The following CWC27 variants were observed in gnomAD, a reference collection of about 807,000 sequenced individuals.
CWC27 encodes the protein CWC27 spliceosome associated cyclophilin, also known as spliceosome-associated protein CWC27 homolog.
In CWC27, 47 loss-of-function variants were observed where a neutral mutation model predicts 63.6. The ratio of observed to expected loss-of-function variants is 0.74; its 90% CI spans 0.58 to 0.94. The LOEUF (loss-of-function observed/expected upper bound fraction) is 0.94. CWC27 is among the 40% of genes least tolerant of loss of function. CWC27 has a pLI of 0.00. For synonymous variants in CWC27, 175 were observed against 179.8 expected (o/e 0.97, Z 0.22); for missense variants, 495 against 554.3 (o/e 0.89, Z 1.07).
chr5:64,874,872 T>C (rs1462900912), intron 10 of CWC27, among the ~76,000 whole-genome samples: 1 of 151,800 alleles, frequency 6.6e-6, no homozygotes, highest in Non-Finnish European at 1.5e-5. Context: ...TATACTGCCT[T>C]ACTAGAAATG....
chr5:64,804,749 A>G (rs1458624947), intron 10 of CWC27: 1 of 160,038 alleles, frequency 6.2e-6, no homozygotes, highest in Non-Finnish European at 1.4e-5. Flanking sequence ...GACATCCTCA[A>G]ATAATTTCGG....
At chr5:64,924,423 A>G (rs1051512728) in intron 11 of CWC27, among the ~76,000 whole-genome samples, 3 of 152,218 alleles carry the variant, frequency 2.0e-5, no homozygotes, top group Non-Finnish European at 4.4e-5. Context: ...CAAAGAGTAG[A>G]AATATAAAAT....
chr5:64,792,069 G>A (rs1744100846), intron 7 of CWC27, among the ~76,000 whole-genome samples: 1 of 151,898 alleles, frequency 6.6e-6, no homozygotes, highest in South Asian at 2.1e-4. Flanking sequence ...AGCTTAAAAT[G>A]TTATTTTTAC....
intron 10 of CWC27, among the ~76,000 whole-genome samples, chr5:64,835,311 G>T (rs1745632351): frequency 6.6e-6 from 1 of 151,776 alleles, no homozygotes; most frequent in Admixed American, 6.6e-5. Context: ...TAAAGTAAAA[G>T]TCCAAATCAC....
chr5:64,957,474 G>C (rs1039783974), intron 11 of CWC27, among the ~76,000 whole-genome samples: 1 of 152,190 alleles, frequency 6.6e-6, no homozygotes, highest in East Asian at 1.9e-4. Flanking sequence ...CTGTGTGCTA[G>C]TCCAGAGGTT....
At position 64,886,071 on chromosome 5, in the gene CWC27, T is replaced by C. The variant is rs116151704; in HGVS notation, c.1042+525T>C. ...TACCTAATTTTGTTTTTTGTTTGTTTTTTGTTTTTACTCTTATGTTAAGAC... is the reference window on the plus strand; with the variant it reads ...TACCTAATTTTGTTTTTTGTTTGTTCTTTGTTTTTACTCTTATGTTAAGAC... On this transcript the variant is annotated intron_variant, in intron 11 of 13. Coordinates refer to ENST00000381070, the MANE Select transcript of CWC27 (RefSeq NM_005869.4). 8.9e-3 allele frequency among the ~76,000 whole-genome samples: 1,358 copies of C among 152,260 alleles called. 19 individuals carry two copies. The highest frequency in any genetic ancestry group is 0.031 in the Middle Eastern group (9 of 294).
intron 10 of CWC27, among the ~76,000 whole-genome samples, chr5:64,822,972 A>G (rs964784778): frequency 6.6e-6 from 1 of 152,226 alleles, no homozygotes; most frequent in African/African-American, 2.4e-5. Context: ...ACTAGGCTAG[A>G]ATTTATTTGA....
At chr5:64,856,378 C>A in intron 10 of CWC27, among the ~76,000 whole-genome samples, 1 of 151,686 alleles carries the variant, frequency 6.6e-6, no homozygotes, top group Admixed American at 6.6e-5. Context: ...TTATTAAATT[C>A]CCTGAAAACA....
rs532621815 is a variant in CWC27 at position 64,834,638 on chromosome 5, T to G, written c.938+30252T>G. On this transcript the variant is annotated intron_variant, in intron 10 of 13. Transcript: ENST00000381070. ...TATCTTAACTGTATTTTTACTGATA[T>G]CTGCCCTTCCTTGTCTTTCTGCTGT... Among the ~76,000 whole-genome samples, 15 of 151,894 alleles carry G rather than the reference T, an allele frequency of 9.9e-5. No homozygotes were observed. In the South Asian group the frequency reaches 2.9e-3, roughly 29 times the overall value.
chr5:64,892,842 T>C (rs7700722), intron 11 of CWC27, among the ~76,000 whole-genome samples: 62,274 of 151,654 alleles, frequency 0.41, 14,287 homozygotes, highest in African/African-American at 0.61. Flanking sequence ...TGAGAATTCT[T>C]TATCTCTCGT....
chr5:64,774,702 A>G lies in CWC27; in HGVS notation c.54A>G (p.Lys18=). ...TATTCTTTCTACAGGTTTTATTGAAAACTACAGCTGGAGATATTGACATAG... is the reference window on the plus strand; with the variant it reads ...TATTCTTTCTACAGGTTTTATTGAAGACTACAGCTGGAGATATTGACATAG... The part of the protein sequence containing the change: ...EPPTNGKVLL[K]TTAGDIDIEL... Residue 18 remains lysine, a synonymous_variant, in exon 2 of 14, where the codon AAA becomes AAG. Transcript: ENST00000381070. 1 of 1,565,202 alleles carries G rather than the reference A, an allele frequency of 6.4e-7. No individual in the cohort carries two copies. Among genetic ancestry groups the G allele is most frequent in the Admixed American group, 2.0e-5 (1 of 50,780 alleles).
chr5:64,804,084 G>C (rs541405469), intron 9 of CWC27, 145 bp from the exon 10 acceptor site: 5 of 706,136 alleles, frequency 7.1e-6, no homozygotes, highest in African/African-American at 1.8e-5. Context: ...TTCTTCAAGG[G>C]CTTATAATTC....
intron 10 of CWC27, among the ~76,000 whole-genome samples, 174 bp from the exon 11 acceptor site, chr5:64,885,269 A>G (rs1747040519): frequency 6.6e-6 from 1 of 152,150 alleles, no homozygotes; most frequent in South Asian, 2.1e-4. Context: ...TAGAACTCTT[A>G]AAATCCTTTA....
chr5:64,999,954 A>G lies in CWC27; in HGVS notation c.1257-18205A>G, dbSNP rs541846346. Among the ~76,000 whole-genome samples the G allele has an allele frequency of 2.6e-5, 4 of 152,176 alleles. No homozygotes were observed. The South Asian group carries it at 6.2e-4, about 24-fold the overall frequency. On this transcript the variant is annotated intron_variant, in intron 13 of 13. Coordinates refer to ENST00000381070, the MANE Select transcript of CWC27 (RefSeq NM_005869.4). ...GCTATACTAATTTACGTTCACACCA[A>G]CAGTGTATAAGAGTTACCTTTCTCT... is the stretch of plus-strand genomic sequence containing the variant.
chr5:64,869,976 T>TG (rs1746626567), intron 10 of CWC27, among the ~76,000 whole-genome samples: 2 of 151,898 alleles, frequency 1.3e-5, no homozygotes, highest in African/African-American at 4.8e-5. Context: ...GCTCTTAGGA[T>TG]GGGGAAAAAA....
intron 11 of CWC27, among the ~76,000 whole-genome samples, chr5:64,952,223 GA>G (rs1412428848): frequency 6.6e-6 from 1 of 151,848 alleles, no homozygotes; most frequent in Non-Finnish European, 1.5e-5. Flanking sequence ...ATAATGACAA[GA>G]AAAAAGTCTG....
intron 13 of CWC27, among the ~76,000 whole-genome samples, chr5:64,991,106 C>T (rs991044787): frequency 3.3e-5 from 5 of 152,108 alleles, no homozygotes; most frequent in South Asian, 2.1e-4. Flanking sequence ...AGATATTGGG[C>T]GTAAATTATG....
chr5:64,778,958 A>T (rs1743556097), intron 2 of CWC27, among the ~76,000 whole-genome samples: 1 of 152,232 alleles, frequency 6.6e-6, no homozygotes, highest in Non-Finnish European at 1.5e-5. Context: ...TATAATTTTT[A>T]AAATATGCAT....
Position 64,998,727 on chromosome 5 carries a change from CT to C in CWC27, c.1257-19426del, listed in dbSNP as rs567582594. The stretch of plus-strand genomic sequence containing the variant: ...AGCCACTGGTTTTCATCTTCGTTTT[CT>C]TTTTTCAAAAGTCAGTTTCCATTTT... On this transcript the variant is annotated intron_variant, in intron 13 of 13. Coordinates refer to ENST00000381070, the MANE Select transcript of CWC27 (RefSeq NM_005869.4). 5.7e-4 allele frequency among the ~76,000 whole-genome samples: 86 copies of C among 152,072 alleles called. 1 individual carries two copies. In the Middle Eastern group the frequency reaches 0.01, roughly 18 times the overall value.
Sources: allele counts gnomAD v4.1 joint callset (sites outside exome capture counted in the v4.1 genomes callset), GRCh38; gene constraint gnomAD v4.1.1; transcripts MANE v1.5; gene names NCBI Gene and HGNC (gene_info 2026-07-23, HGNC 2026-07-21).